The following CDH12 variants were observed in gnomAD, a reference collection of about 807,000 sequenced individuals.
CDH12 encodes cadherin 12.
Under a neutral mutation model 74.1 loss-of-function variants are expected in CDH12, and 41 were observed. The ratio of observed to expected loss-of-function variants is 0.55; its 90% CI spans 0.43 to 0.72. The LOEUF is 0.72. Among genes scored for constraint, CDH12 ranks in the 30% least tolerant of loss-of-function variants. The probability of loss-of-function intolerance (pLI) is 0.00; values close to 1 mark genes in which losing one functional copy is unlikely to be tolerated. For synonymous variants in CDH12, 399 were observed against 355.0 expected (o/e 1.12, Z -1.39); for missense variants, 945 against 977.2 (o/e 0.97, Z 0.44).
intron 5 of CDH12, among the ~76,000 whole-genome samples, chr5:22,046,866 CTA>C (rs1031154889): frequency 2.6e-5 from 4 of 152,048 alleles, no homozygotes; most frequent in African/African-American, 9.7e-5. Flanking sequence ...GTCATGTTTC[CTA>C]TGTTTTATTT....
intron 3 of CDH12, among the ~76,000 whole-genome samples, chr5:22,400,632 G>A (rs894500699): frequency 3.3e-5 from 5 of 151,982 alleles, no homozygotes; most frequent in Admixed American, 6.6e-5. Context: ...CAGATAGACA[G>A]ATTTTGGTAG....
chr5:22,593,899 A>G (rs1736469479), intron 1 of CDH12, among the ~76,000 whole-genome samples: 1 of 152,226 alleles, frequency 6.6e-6, no homozygotes, highest in Non-Finnish European at 1.5e-5. Flanking sequence ...ATCACGGGAT[A>G]AATATAAAAT....
intron 6 of CDH12, among the ~76,000 whole-genome samples, chr5:21,901,179 GA>G (rs1290522045): frequency 6.6e-6 from 1 of 152,024 alleles, no homozygotes; most frequent in East Asian, 1.9e-4. Context: ...TCATGTTCAA[GA>G]AAATTTTGGG....
chr5:22,218,122 A>G (rs1751885211), intron 3 of CDH12, among the ~76,000 whole-genome samples: 2 of 151,830 alleles, frequency 1.3e-5, no homozygotes, highest in East Asian at 1.9e-4. Context: ...TGAAAAACCT[A>G]TAACCCTAAA....
At chr5:22,749,738 T>C (rs572375756) in intron 1 of CDH12, among the ~76,000 whole-genome samples, 9 of 152,336 alleles carry the variant, frequency 5.9e-5, no homozygotes, top group African/African-American at 1.9e-4. Context: ...TGATTTCTGA[T>C]AGAATTTGAA....
At chr5:22,694,754 T>A (rs1400922274) in intron 1 of CDH12, among the ~76,000 whole-genome samples, 1 of 151,920 alleles carries the variant, frequency 6.6e-6, no homozygotes, top group East Asian at 1.9e-4. Flanking sequence ...TAAATTAATG[T>A]TTTAAGTTAC....
chr5:22,695,681 A>AT (rs746946662), intron 1 of CDH12, among the ~76,000 whole-genome samples: 4 of 152,266 alleles, frequency 2.6e-5, no homozygotes, highest in Admixed American at 6.5e-5. Flanking sequence ...AAACATAGCA[A>AT]TTTTTTTATT....
chr5:22,711,872 T>C (rs1743306285), intron 1 of CDH12, among the ~76,000 whole-genome samples: 1 of 152,094 alleles, frequency 6.6e-6, no homozygotes, highest in Non-Finnish European at 1.5e-5. Context: ...AGGGCATTCA[T>C]TACAAAATCA....
intron 4 of CDH12, chr5:22,172,208 T>A (rs1749071173): frequency 6.6e-6 from 1 of 151,952 alleles, no homozygotes; most frequent in African/African-American, 2.4e-5. Context: ...TTTTCAATGA[T>A]AAAAGAAATT....
intron 6 of CDH12, among the ~76,000 whole-genome samples, chr5:21,970,998 G>C (rs1756830789): frequency 6.6e-6 from 1 of 151,658 alleles, no homozygotes; most frequent in Admixed American, 6.6e-5. Flanking sequence ...AGAAAGGCAA[G>C]GGAGTACCTG....
At chr5:21,959,969 G>A (rs1444481005) in intron 6 of CDH12, among the ~76,000 whole-genome samples, 1 of 146,884 alleles carries the variant, frequency 6.8e-6, no homozygotes, top group African/African-American at 2.5e-5. Context: ...ACATAATGAT[G>A]AAGGGTTTTA....
intron 6 of CDH12, among the ~76,000 whole-genome samples, chr5:21,878,052 G>C (rs748079828): frequency 6.6e-6 from 1 of 152,208 alleles, no homozygotes; most frequent in Admixed American, 6.5e-5. Context: ...TATGAATCCA[G>C]ATAAGTAATG....
At chr5:22,703,116 TG>T (rs1742806854) in intron 1 of CDH12, among the ~76,000 whole-genome samples, 1 of 152,160 alleles carries the variant, frequency 6.6e-6, no homozygotes. Context: ...CATGTATCTG[TG>T]TATACTCTAA....
At chr5:21,929,387 C>T (rs561176289) in intron 6 of CDH12, among the ~76,000 whole-genome samples, 7 of 151,336 alleles carry the variant, frequency 4.6e-5, no homozygotes, top group Non-Finnish European at 8.8e-5. Flanking sequence ...TGATGGGAGA[C>T]AGTGACAGAT....
chr5:21,865,487 T>C (rs1751277812), intron 6 of CDH12, among the ~76,000 whole-genome samples: 1 of 152,132 alleles, frequency 6.6e-6, no homozygotes, highest in South Asian at 2.1e-4. Flanking sequence ...AGCCCAGTGC[T>C]CTGGGAGGGC....
At chr5:22,817,680 CTA>C (rs1435966307) in intron 1 of CDH12, among the ~76,000 whole-genome samples, 1 of 152,098 alleles carries the variant, frequency 6.6e-6, no homozygotes, top group Non-Finnish European at 1.5e-5. Context: ...AACAGAAAAA[CTA>C]TGCATCATAA....
intron 6 of CDH12, among the ~76,000 whole-genome samples, chr5:21,909,522 G>A (rs919150367): frequency 6.6e-6 from 1 of 152,058 alleles, no homozygotes; most frequent in Non-Finnish European, 1.5e-5. Context: ...AAAATGAATA[G>A]GCAGGTACAA....
At chr5:22,103,258 T>C (rs1744251204) in intron 4 of CDH12, among the ~76,000 whole-genome samples, 2 of 152,206 alleles carry the variant, frequency 1.3e-5, no homozygotes, top group Admixed American at 6.6e-5. Context: ...TGATGATTTT[T>C]CTTCTTTCAC....
intron 3 of CDH12, among the ~76,000 whole-genome samples, chr5:22,388,397 T>C (rs1742092918): frequency 6.6e-6 from 1 of 152,054 alleles, no homozygotes; most frequent in Non-Finnish European, 1.5e-5. Flanking sequence ...AGAGGTCATA[T>C]GAAAATTTAT....
Sources: allele counts gnomAD v4.1 joint callset (sites outside exome capture counted in the v4.1 genomes callset), GRCh38; gene constraint gnomAD v4.1.1; transcripts MANE v1.5; gene names NCBI Gene and HGNC (gene_info 2026-07-23, HGNC 2026-07-21).